NDE1: variants seen among roughly 807,000 people sequenced by gnomAD.
NDE1 encodes the protein nudE neurodevelopment protein 1.
NDE1 carries 28 observed loss-of-function variants against 43.4 expected under a neutral mutation model. The ratio of observed to expected loss-of-function variants is 0.65; its 90% CI spans 0.48 to 0.89. The LOEUF (loss-of-function observed/expected upper bound fraction) is 0.89. NDE1 is among the 40% of genes least tolerant of loss of function. The pLI is 0.00. For synonymous variants in NDE1, 184 were observed against 172.0 expected, an observed-to-expected ratio of 1.07 and a Z score of -0.55; for missense variants, 441 against 434.1, an observed-to-expected ratio of 1.02 and a Z score of -0.14.
At chr16:15,644,121 TA>T (rs2036238199) in intron 1 of NDE1, among the ~76,000 whole-genome samples, 2 of 152,170 alleles carry the variant, frequency 1.3e-5, no homozygotes, top group South Asian at 4.1e-4. Context: ...GCAAAGCACA[TA>T]TTGTGTAAGT....
chr16:15,648,517 G>A (rs2036376839), upstream of NDE1, among the ~76,000 whole-genome samples: 1 of 152,064 alleles, frequency 6.6e-6, no homozygotes, highest in Admixed American at 6.6e-5. Flanking sequence ...TCCACTCACC[G>A]CAACCTCTGC....
At chr16:15,690,056 T>C (rs1254183832) in intron 5 of NDE1, among the ~76,000 whole-genome samples, 1 of 152,076 alleles carries the variant, frequency 6.6e-6, no homozygotes, top group Admixed American at 6.6e-5. Context: ...ACTTTATTTA[T>C]TTTTGAGACA....
At chr16:15,664,984 C>T in intron 2 of NDE1, 123 bp downstream of exon 2, 1 of 739,612 alleles carries the variant, frequency 1.4e-6, no homozygotes. Context: ...CCGCCTTAAA[C>T]TCCTGGGCTT....
At position 15,660,811 on chromosome 16, in the gene NDE1, C is replaced by T. The variant is rs976776061; in HGVS notation, c.-43-3925C>T. 5.3e-5 allele frequency among the ~76,000 whole-genome samples: 8 copies of T among 152,216 alleles called. No homozygotes were observed. In the South Asian group the frequency reaches 1.0e-3, roughly 20 times the overall value. On this transcript the variant is annotated intron_variant, in intron 1 of 8. Transcript: ENST00000396354. ...ATGTTTCCCTTTTTTCCCTTGAAAC[C>T]GCCCACTCCCAGGACAGCACAGTCT...
chr16:15,699,569 A>G (rs1242085626), intron 8 of NDE1: 1 of 1,188,376 alleles, frequency 8.4e-7, no homozygotes. Context: ...AGAGCCAGGT[A>G]GCCAGTGTCC....
chr16:15,723,153 G>A (rs775343356), intron 8 of NDE1, among the ~76,000 whole-genome samples: 1 of 152,128 alleles, frequency 6.6e-6, no homozygotes, highest in African/African-American at 2.4e-5. Flanking sequence ...TCATACAGGG[G>A]TCTCCATTTA....
At chr16:15,692,062 A>C (rs1025991553) in intron 6 of NDE1, among the ~76,000 whole-genome samples, 7 of 151,384 alleles carry the variant, frequency 4.6e-5, no homozygotes, top group African/African-American at 1.7e-4. Context: ...CGTGTGCTGC[A>C]TGGGCAGAAA....
At chr16:15,703,840 T>C in intron 8 of NDE1, 1 of 1,047,320 alleles carries the variant, frequency 9.5e-7, no homozygotes, top group Non-Finnish European at 1.5e-6. Context: ...GTGAGGGGTG[T>C]CTGTGATATT....
chr16:15,665,253 C>A (rs950869478), intron 2 of NDE1, among the ~76,000 whole-genome samples: 3 of 151,968 alleles, frequency 2.0e-5, no homozygotes, highest in Non-Finnish European at 4.4e-5. Context: ...GCTTAACTTA[C>A]ACTATCTCAA....
Position 15,687,424 on chromosome 16 carries a change from A to T in NDE1, c.436A>T (p.Ile146Phe), listed in dbSNP as rs769769294. The T allele has an allele frequency of 1.9e-6, 3 of 1,614,110 alleles. No individual in the cohort carries two copies. Among genetic ancestry groups the T allele is most frequent in the East Asian group, 4.5e-5 (2 of 44,898 alleles). ...EDFEQRLNQA[I>F]ERNAFLESEL... ...CTTTGAGCAGCGCTTGAATCAGGCC[A>T]TCGAAAGAAATGCCTTCCTGGAAAG... Residue 146 changes from isoleucine (I) to phenylalanine (F), a missense_variant, in exon 5 of 9, where the codon ATC becomes TTC. By Grantham distance (21) the Ile-to-Phe change is conservative. Transcript: ENST00000396354.
At chr16:15,719,775 AG>A in intron 8 of NDE1, 6 of 1,610,748 alleles carry the variant, frequency 3.7e-6, no homozygotes, top group South Asian at 1.1e-5. Flanking sequence ...TCTGCTGCCC[AG>A]TTCAGCTTTG....
At chr16:15,667,777 G>C (rs570654366) in intron 3 of NDE1, among the ~76,000 whole-genome samples, 2 of 151,454 alleles carry the variant, frequency 1.3e-5, no homozygotes, top group Admixed American at 6.6e-5. Context: ...GATTATAGGC[G>C]CCTGCTACCA....
chr16:15,720,711 C>T lies in NDE1; in HGVS notation c.948-3480C>T, dbSNP rs762823600. On this transcript the variant is annotated intron_variant, in intron 8 of 8. Coordinates refer to ENST00000396354, the MANE Select transcript of NDE1 (RefSeq NM_017668.3). Reference sequence around the variant, plus strand: ...TTACGCCACTGCACTCCAGCCTGGGCGACAGAGCGAGACTCTGTTTCAAAA... The same window carrying T: ...TTACGCCACTGCACTCCAGCCTGGGTGACAGAGCGAGACTCTGTTTCAAAA... 239 of 1,043,720 alleles carry T rather than the reference C, an allele frequency of 2.3e-4. 1 individual carries two copies. The Middle Eastern group carries it at 2.9e-3, about 13-fold the overall frequency. The allele number at this position is 1,043,720 out of a possible 1,614,324, so 64.7% of individuals were successfully genotyped here. A position where few individuals can be genotyped will look rare whatever the true frequency, so the allele number is the denominator to read the frequency against.
At chr16:15,706,117 G>A (rs1393322556) in intron 8 of NDE1, among the ~76,000 whole-genome samples, 1 of 152,092 alleles carries the variant, frequency 6.6e-6, no homozygotes, top group African/African-American at 2.4e-5. Context: ...TATAAAGGAT[G>A]GGACTTCCCG....
At chr16:15,718,475 T>C (rs2040290670) in intron 8 of NDE1, 7 of 1,536,064 alleles carry the variant, frequency 4.6e-6, no homozygotes, top group Non-Finnish European at 4.4e-6. Flanking sequence ...GCCTCTACCC[T>C]CCCCCGCCTT....
chr16:15,654,531 G>T (rs773950693), intron 1 of NDE1, among the ~76,000 whole-genome samples: 1 of 148,070 alleles, frequency 6.8e-6, no homozygotes, highest in African/African-American at 2.5e-5. Flanking sequence ...AAGCTGCGAG[G>T]CAGAGGTTGC....
rs375335598 is a variant in NDE1 at position 15,650,251 on chromosome 16, G to A, written c.-87G>A. On this transcript the variant is annotated 5_prime_UTR_variant, in exon 1 of 9. Coordinates refer to ENST00000396354, the MANE Select transcript of NDE1 (RefSeq NM_017668.3). The stretch of plus-strand genomic sequence containing the variant: ...CGGGGCCGCACCGCCCTTCGCAGCC[G>A]CCTCTGCCGCCGCCGCCGCGTTGGC... 600 of 297,244 alleles carry A rather than the reference G, an allele frequency of 2.0e-3. 5 individuals are homozygous for A. The highest frequency in any genetic ancestry group is 0.013 in the African/African-American group (566 of 43,922). The allele number at this position is 297,244 out of a possible 1,614,324, so 18.4% of individuals were successfully genotyped here.
chr16:15,694,061 G>A (rs1485127944), intron 6 of NDE1, 104 bp from the exon 7 acceptor site: 2 of 1,331,400 alleles, frequency 1.5e-6, no homozygotes, highest in Non-Finnish European at 2.1e-6. Flanking sequence ...TCCGAGGAAA[G>A]GCGTCAGTGT....
At chr16:15,720,118 C>T in intron 8 of NDE1, 1 of 1,613,996 alleles carries the variant, frequency 6.2e-7, no homozygotes, top group Non-Finnish European at 8.5e-7. Context: ...TGCCCTCCCT[C>T]CACCCATGCC....
Sources: allele counts gnomAD v4.1 joint callset (sites outside exome capture counted in the v4.1 genomes callset), GRCh38; gene constraint gnomAD v4.1.1; transcripts MANE v1.5; gene names NCBI Gene and HGNC (gene_info 2026-07-23, HGNC 2026-07-21).